Variants in TOM1 observed in about 807,000 individuals in gnomAD.
TOM1 encodes the protein target of Myb protein 1.
Under a neutral mutation model 61.3 loss-of-function variants are expected in TOM1, and 38 were observed. The ratio of observed to expected loss-of-function variants is 0.62; its 90% CI spans 0.48 to 0.81. The LOEUF (loss-of-function observed/expected upper bound fraction) is 0.81. Among genes scored for constraint, TOM1 ranks in the 40% least tolerant of loss-of-function variants. The probability of loss-of-function intolerance (pLI) is 0.00; values close to 1 mark genes in which losing one functional copy is unlikely to be tolerated. For missense variants in TOM1, 591 were observed against 659.6 expected (o/e 0.90, Z 1.14); for synonymous variants, 270 against 268.8 (o/e 1.00, Z -0.04).
chr22:35,328,992 G>A (rs1189755017), intron 7 of TOM1, among the ~76,000 whole-genome samples: 2 of 152,148 alleles, frequency 1.3e-5, no homozygotes, highest in Non-Finnish European at 2.9e-5. Flanking sequence ...GTCTTGCTCT[G>A]TCACCCAGGC....
intron 12 of TOM1, among the ~76,000 whole-genome samples, chr22:35,343,535 CAT>C (rs1215287202): frequency 7.3e-6 from 1 of 137,594 alleles, no homozygotes; most frequent in African/African-American, 2.7e-5. Context: ...ACCACACACA[CAT>C]CTACACCCAC....
chr22:35,315,211 G>A (rs1245463848), intron 1 of TOM1, among the ~76,000 whole-genome samples: 2 of 152,134 alleles, frequency 1.3e-5, no homozygotes, highest in African/African-American at 4.8e-5. Context: ...CAGTGGCAGA[G>A]GGGATGGTGT....
intron 12 of TOM1, among the ~76,000 whole-genome samples, chr22:35,343,827 C>T (rs529050638): frequency 1.4e-5 from 2 of 148,144 alleles, no homozygotes. Context: ...CACATACACA[C>T]CTACATTCAT....
intron 13 of TOM1, among the ~76,000 whole-genome samples, chr22:35,346,431 AGGACT>A (rs1189564695): frequency 6.6e-6 from 1 of 152,228 alleles, no homozygotes; most frequent in Non-Finnish European, 1.5e-5. Context: ...CCACAGACCA[AGGACT>A]CAGGCTTTCT....
chr22:35,322,215 T>C, intron 3 of TOM1, 178 bp downstream of exon 3: 1 of 598,826 alleles, frequency 1.7e-6, no homozygotes. Flanking sequence ...CAAGAGGCCA[T>C]TTGGAAAGGT....
chr22:35,328,261 A>G (rs369332706), intron 7 of TOM1, among the ~76,000 whole-genome samples: 122 of 152,316 alleles, frequency 8.0e-4, no homozygotes, highest in African/African-American at 2.8e-3. Flanking sequence ...AAGGGCTCCG[A>G]AAGAGAGAAG....
At position 35,300,012 on chromosome 22, in the gene TOM1, C is replaced by T. The variant is rs189915226; in HGVS notation, c.52+32C>T. 17 of 1,553,550 alleles carry T rather than the reference C, an allele frequency of 1.1e-5. No homozygotes were observed. The African/African-American group carries it at 2.0e-4, about 19-fold the overall frequency. ...CCCTGGAGCCCCCCACAGCTCCGCC[C>T]CGGTGCTCCGCACCCAGCTTCGGTC... On this transcript the variant is annotated intron_variant, in intron 1 of 14. Transcript: ENST00000449058.
At position 35,347,275 on chromosome 22, in the gene TOM1, C is replaced by A; in HGVS notation, c.*66C>A. 1 of 1,492,632 alleles carries A rather than the reference C, an allele frequency of 6.7e-7. No homozygotes were observed. The highest frequency in any genetic ancestry group is 1.3e-5 in the South Asian group (1 of 74,554). The allele number at this position is 1,492,632 out of a possible 1,614,324, so 92.5% of individuals were successfully genotyped here. ...CTCACACCCTTAGGCTGGGACCTCC[C>A]TCCCTCCTCTGGTGTTAAGGCTGCT... On this transcript the variant is annotated 3_prime_UTR_variant, in exon 15 of 15. Transcript: ENST00000449058.
intron 10 of TOM1, 58 bp from the exon 11 acceptor site, chr22:35,334,270 A>G: frequency 6.4e-7 from 1 of 1,569,690 alleles, no homozygotes. Flanking sequence ...GTAGCTCAGC[A>G]GCAGCTCACA....
intron 11 of TOM1, among the ~76,000 whole-genome samples, chr22:35,336,483 T>C (rs1477827889): frequency 6.6e-6 from 1 of 152,230 alleles, no homozygotes; most frequent in Non-Finnish European, 1.5e-5. Context: ...TGACCACAGC[T>C]GGCACCGTCA....
intron 7 of TOM1, 115 bp downstream of exon 7, chr22:35,327,502 C>T (rs185667346): frequency 1.4e-6 from 1 of 715,714 alleles, no homozygotes; most frequent in East Asian, 2.7e-5. Context: ...TCCTTGGTCA[C>T]AGTTGGGGAC....
At chr22:35,329,836 G>A (rs1384169778) in intron 7 of TOM1, among the ~76,000 whole-genome samples, 1 of 152,202 alleles carries the variant, frequency 6.6e-6, no homozygotes, top group Non-Finnish European at 1.5e-5. Context: ...GTTTCCTGTG[G>A]ATTAAATTTT....
intron 8 of TOM1, among the ~76,000 whole-genome samples, chr22:35,331,093 CTTTTTTTTTT>C (rs773623729): frequency 3.1e-5 from 4 of 127,148 alleles, no homozygotes; most frequent in African/African-American, 1.2e-4. Context: ...ACCTGTCCAC[CTTTTTTTTTT>C]TTTTTTTTTT....
At chr22:35,346,836 G>T (rs1930541358) in intron 13 of TOM1, 94 bp from the exon 14 acceptor site, 1 of 1,216,546 alleles carries the variant, frequency 8.2e-7, no homozygotes, top group Non-Finnish European at 1.2e-6. Flanking sequence ...CCAGTGCTGA[G>T]GTTCAGCGGG....
At chr22:35,332,580 G>A (rs1471296400) in intron 8 of TOM1, among the ~76,000 whole-genome samples, 1 of 109,242 alleles carries the variant, frequency 9.2e-6, no homozygotes. Flanking sequence ...ACTGAAGAGA[G>A]CACTAACACA....
rs1162004812 is a variant in TOM1 at position 35,326,778 on chromosome 22, GGA to G, written c.649-487_649-486del. 2.6e-5 allele frequency among the ~76,000 whole-genome samples: 4 copies of G among 151,398 alleles called. No individual in the cohort carries two copies. The East Asian group carries it at 7.8e-4, about 29-fold the overall frequency. On this transcript the variant is annotated intron_variant, in intron 6 of 14. Transcript: ENST00000449058. ...ACGGCGGGATCCCAGTCCTCTAGGA[GGA>G]GAGAGGGTGGGATCCCAGTCCTCTA...
chr22:35,323,111 G>A lies in TOM1; in HGVS notation c.300G>A (p.Val100=). The change falls in exon 4 of 15, where the codon GTG becomes GTA. Residue 100 remains valine, a synonymous_variant. Transcript: ENST00000449058. This position sits in a 1 kb window ranked among gnomAD's most constrained non-coding sequence, Gnocchi z 4.2. ...ASQDFVESVL[V]RTILPKNNPP... is the part of the protein sequence containing the mutation. ...AGGACTTCGTGGAGAGTGTGCTGGT[G>A]AGGACCATCCTGCCCAAGAACAACC... The A allele has an allele frequency of 6.2e-7, 1 of 1,614,196 alleles. No individual in the cohort carries two copies. The highest frequency in any genetic ancestry group is 8.5e-7 in the Non-Finnish European group (1 of 1,180,052).
intron 10 of TOM1, 148 bp downstream of exon 10, chr22:35,333,645 C>G (rs1021579121): frequency 8.3e-6 from 6 of 719,236 alleles, no homozygotes; most frequent in Admixed American, 5.3e-5. Context: ...AATCTTGCTG[C>G]AAGGTGGGGC....
rs771245207 is a variant in TOM1 at position 35,346,955 on chromosome 22, G to A, written c.1310G>A (p.Gly437Glu). The change falls in exon 14 of 15, where the codon GGG becomes GAG. Residue 437 changes from glycine (G) to glutamate (E), a missense_variant. By Grantham distance (98) the Gly-to-Glu change is moderately conservative. Transcript: ENST00000449058. ...GGTAATGATGCGGAAGAGCCTAAGGGGGTCACCAGCGAAGGTAGTAGTCCC... is the reference window on the plus strand; with the variant it reads ...GGTAATGATGCGGAAGAGCCTAAGGAGGTCACCAGCGAAGGTAGTAGTCCC... The part of the protein sequence containing the change: ...DVGNDAEEPK[G>E]VTSEEFDKFL... 4 of 1,612,754 alleles carry A rather than the reference G, an allele frequency of 2.5e-6. No individual in the cohort carries two copies. The African/African-American group carries it at 5.3e-5, about 22-fold the overall frequency.
Sources: gnomAD v4.1 joint callset for allele counts (sites outside exome capture counted in the v4.1 genomes callset) on GRCh38, gnomAD v4.1.1 for gene constraint, Gnocchi (gnomAD v3.1) non-coding constraint, MANE v1.5 for transcripts, NCBI Gene and HGNC (gene_info 2026-07-23, HGNC 2026-07-21) for gene names.